Variants in SEPTIN7 observed in about 807,000 individuals in gnomAD.
The protein encoded by SEPTIN7 is septin-7.
In SEPTIN7, 10 loss-of-function variants were observed where a neutral mutation model predicts 63.3. That is an observed-to-expected ratio of 0.16 (90% CI 0.10 to 0.27). SEPTIN7 has a LOEUF of 0.27. SEPTIN7 is among the 10% of genes least tolerant of loss of function. The pLI, the probability that SEPTIN7 is intolerant of heterozygous loss-of-function variation, is 1.00. For missense variants in SEPTIN7, 310 were observed against 521.0 expected (o/e 0.59, Z 3.94); for synonymous variants, 131 against 165.3 (o/e 0.79, Z 1.59).
At chr7:35,877,498 A>G (rs1418128366) in intron 6 of SEPTIN7, among the ~76,000 whole-genome samples, 1 of 152,174 alleles carries the variant, frequency 6.6e-6, no homozygotes, top group East Asian at 1.9e-4. Flanking sequence ...AGTCAATTCA[A>G]TTATTAGTAT....
chr7:35,887,822 T>G (rs1471864695), intron 10 of SEPTIN7, among the ~76,000 whole-genome samples: 1 of 152,254 alleles, frequency 6.6e-6, no homozygotes, highest in Non-Finnish European at 1.5e-5. Context: ...AGATGTGTAT[T>G]TAATTTAGCT....
intron 1 of SEPTIN7, among the ~76,000 whole-genome samples, chr7:35,819,055 T>A (rs1789254849): frequency 6.6e-6 from 1 of 152,140 alleles, no homozygotes; most frequent in Non-Finnish European, 1.5e-5. Flanking sequence ...GGTTATGATG[T>A]GAGATCTTTC....
intron 1 of SEPTIN7, among the ~76,000 whole-genome samples, chr7:35,815,609 A>G (rs1229592258): frequency 1.3e-5 from 2 of 152,172 alleles, no homozygotes; most frequent in Non-Finnish European, 2.9e-5. Flanking sequence ...GCTAGAGTAT[A>G]TTTGTGTATG....
At chr7:35,907,867 G>C (rs1157810088), downstream of SEPTIN7, among the ~76,000 whole-genome samples, 3 of 152,180 alleles carry the variant, frequency 2.0e-5, no homozygotes, top group Non-Finnish European at 4.4e-5. Context: ...TGCCTTCCTT[G>C]CTGGTTTGGA....
At chr7:35,803,383 A>G (rs1225958154) in intron 1 of SEPTIN7, among the ~76,000 whole-genome samples, 1 of 152,214 alleles carries the variant, frequency 6.6e-6, no homozygotes, top group Non-Finnish European at 1.5e-5. Flanking sequence ...CTAGGACAAC[A>G]ACAACAACAA....
At chr7:35,903,295 G>T in intron 13 of SEPTIN7, 80 bp downstream of exon 13, 1 of 1,439,498 alleles carries the variant, frequency 6.9e-7, no homozygotes. Context: ...AAAAACATTA[G>T]AATAACACTT....
rs1363669658 is a variant in SEPTIN7 at position 35,803,741 on chromosome 7, C to G, written c.61+2471C>G. ...CTTTTTGTATACTTCTTTTTTTGTA[C>G]TAAGTTTGGACTGTAAAGATAAACT... On this transcript the variant is annotated intron_variant, in intron 1 of 13. Transcript: ENST00000350320. Among the ~76,000 whole-genome samples, 73 of 151,908 alleles carry G rather than the reference C, an allele frequency of 4.8e-4. 2 individuals carry two copies. The highest frequency in any genetic ancestry group is 4.7e-3 in the Admixed American group (71 of 15,246).
chr7:35,879,206 T>C (rs1402598285), intron 6 of SEPTIN7, among the ~76,000 whole-genome samples: 3 of 152,180 alleles, frequency 2.0e-5, no homozygotes, highest in South Asian at 4.1e-4. Context: ...GTGAGCATCT[T>C]GTCAGAGAAA....
chr7:35,885,521 G>T (rs971230947), intron 9 of SEPTIN7, among the ~76,000 whole-genome samples: 6 of 151,966 alleles, frequency 3.9e-5, no homozygotes, highest in African/African-American at 1.5e-4. Context: ...ATGTATTATA[G>T]AATAAATATA....
chr7:35,821,707 C>T (rs1358471432), intron 1 of SEPTIN7, among the ~76,000 whole-genome samples: 1 of 152,182 alleles, frequency 6.6e-6, no homozygotes, highest in Non-Finnish European at 1.5e-5. Context: ...AGTTTATATT[C>T]CAAAAGTCAT....
At chr7:35,869,380 A>G (rs1030386928) in intron 4 of SEPTIN7, among the ~76,000 whole-genome samples, 1 of 152,134 alleles carries the variant, frequency 6.6e-6, no homozygotes, top group African/African-American at 2.4e-5. Context: ...GTAAGATGAT[A>G]TTTGTCTTTT....
intron 3 of SEPTIN7, chr7:35,847,576 A>C (rs947554018): frequency 6.6e-6 from 1 of 152,132 alleles, no homozygotes; most frequent in African/African-American, 2.4e-5. Context: ...CTTTATTTGG[A>C]AATTTTGTAC....
chr7:35,859,180 G>GT (rs1785372064), intron 3 of SEPTIN7, among the ~76,000 whole-genome samples: 1 of 151,712 alleles, frequency 6.6e-6, no homozygotes, highest in Non-Finnish European at 1.5e-5. Context: ...TCTGTATTCC[G>GT]TAAGTTTCGG....
At chr7:35,858,194 C>G (rs780837385) in intron 3 of SEPTIN7, among the ~76,000 whole-genome samples, 3 of 152,144 alleles carry the variant, frequency 2.0e-5, no homozygotes, top group Non-Finnish European at 2.9e-5. Flanking sequence ...ATCCCTCCGC[C>G]TCGGCCTCCC....
At chr7:35,902,459 G>C (rs1288021067) in intron 12 of SEPTIN7, 1 of 152,138 alleles carries the variant, frequency 6.6e-6, no homozygotes, top group African/African-American at 2.4e-5. Context: ...CAGTACGTCT[G>C]AGTGAGGTCC....
At chr7:35,831,731 T>C (rs534703088) in intron 2 of SEPTIN7, 28 of 238,684 alleles carry the variant, frequency 1.2e-4, no homozygotes, top group Non-Finnish European at 6.6e-5. Flanking sequence ...AAAATTTGGC[T>C]TAAGAATTAG....
chr7:35,816,732 C>T (rs1461656825), intron 1 of SEPTIN7, among the ~76,000 whole-genome samples: 1 of 152,106 alleles, frequency 6.6e-6, no homozygotes, highest in African/African-American at 2.4e-5. Flanking sequence ...CATTCTTGTC[C>T]ATACTTGTTA....
the SEPTIN7 span, among the ~76,000 whole-genome samples, chr7:35,915,126 T>TA: frequency 7.5e-6 from 1 of 134,072 alleles, no homozygotes; most frequent in African/African-American, 2.7e-5. Context: ...TACATGTGTA[T>TA]ATATACATGC....
chr7:35,907,229 A>G (rs922800070), downstream of SEPTIN7: 2 of 152,160 alleles, frequency 1.3e-5, no homozygotes, highest in African/African-American at 4.8e-5. Flanking sequence ...GTGGTGTCCT[A>G]CTTGATCTGA....
Sources: gnomAD v4.1 joint callset for allele counts (sites outside exome capture counted in the v4.1 genomes callset) on GRCh38, gnomAD v4.1.1 for gene constraint, MANE v1.5 for transcripts, NCBI Gene and HGNC (gene_info 2026-07-23, HGNC 2026-07-21) for gene names.